The following LARS2 variants were observed in gnomAD, a reference collection of about 807,000 sequenced individuals.
LARS2 encodes the protein leucine--tRNA ligase, mitochondrial.
Under a neutral mutation model 116.6 loss-of-function variants are expected in LARS2, and 81 were observed. The ratio of observed to expected loss-of-function variants is 0.69; its 90% CI spans 0.58 to 0.84. The LOEUF (loss-of-function observed/expected upper bound fraction) is 0.84, where lower values mean the gene tolerates loss of function less well. LARS2 is among the 40% of genes least tolerant of loss of function. The pLI is 0.00. For missense variants in LARS2, 968 were observed against 1,114.5 expected, an observed-to-expected ratio of 0.87 and a Z score of 1.87; for synonymous variants, 396 against 407.2, an observed-to-expected ratio of 0.97 and a Z score of 0.33.
At chr3:45,440,387 A>G (rs1698884579) in intron 6 of LARS2, among the ~76,000 whole-genome samples, 1 of 152,184 alleles carries the variant, frequency 6.6e-6, no homozygotes, top group Non-Finnish European at 1.5e-5. Flanking sequence ...CAAAAGATCA[A>G]AAAGCATGTG....
chr3:45,491,536 A>G lies in LARS2; in HGVS notation c.1259A>G (p.Gln420Arg). The G allele has an allele frequency of 6.2e-7, 1 of 1,614,170 alleles. No individual in the cohort carries two copies. The highest frequency in any genetic ancestry group is 8.5e-7 in the Non-Finnish European group (1 of 1,180,020). The change falls in exon 13 of 22, where the codon CAG becomes CGG. Residue 420 changes from glutamine to arginine, a missense_variant. Physicochemically the swap from Gln to Arg is conservative, Grantham distance 43 (BLOSUM62 1). Coordinates refer to ENST00000645846, the MANE Select transcript of LARS2 (RefSeq NM_015340.4). ...SSAEFTGMTR[Q>R]DAFLALTQKA... ...TGTCAGTTCACAGGTATGACCCGGCAGGATGCTTTTCTAGCCCTGACTCAG... is the reference window on the plus strand; with the variant it reads ...TGTCAGTTCACAGGTATGACCCGGCGGGATGCTTTTCTAGCCCTGACTCAG...
chr3:45,527,667 A>C (rs1274615548), intron 20 of LARS2, among the ~76,000 whole-genome samples: 1 of 152,056 alleles, frequency 6.6e-6, no homozygotes, highest in Non-Finnish European at 1.5e-5. Context: ...GATACACCTG[A>C]GCAAGGATAA....
At chr3:45,400,821 C>CT (rs1261028234) in intron 4 of LARS2, among the ~76,000 whole-genome samples, 284 of 149,276 alleles carry the variant, frequency 1.9e-3, no homozygotes, top group Admixed American at 0.017. Context: ...TATTTCTTTT[C>CT]TTTTTTTTTT....
intron 7 of LARS2, among the ~76,000 whole-genome samples, chr3:45,452,307 G>A (rs1330101864): frequency 6.6e-6 from 1 of 151,836 alleles, no homozygotes; most frequent in Admixed American, 6.6e-5. Context: ...CATTCAGTGT[G>A]GTATTAGCTA....
At chr3:45,511,601 G>A (rs928328327) in intron 15 of LARS2, among the ~76,000 whole-genome samples, 2 of 151,698 alleles carry the variant, frequency 1.3e-5, no homozygotes, top group African/African-American at 2.4e-5. Context: ...TATAAAAGAC[G>A]AGGCAAAAGT....
At chr3:45,432,618 T>G (rs1698737895) in intron 6 of LARS2, among the ~76,000 whole-genome samples, 1 of 152,016 alleles carries the variant, frequency 6.6e-6, no homozygotes, top group Non-Finnish European at 1.5e-5. Flanking sequence ...CATACAGTCT[T>G]ATGGAATATA....
chr3:45,424,816 T>C (rs1209494248), intron 6 of LARS2, among the ~76,000 whole-genome samples: 1 of 152,212 alleles, frequency 6.6e-6, no homozygotes, highest in Admixed American at 6.5e-5. Flanking sequence ...GACAGTTTCA[T>C]AGGAGCCCTT....
intron 16 of LARS2, among the ~76,000 whole-genome samples, chr3:45,514,206 A>G (rs1700336576): frequency 6.8e-6 from 1 of 146,932 alleles, no homozygotes; most frequent in Admixed American, 6.8e-5. Flanking sequence ...ACTCTGTCTC[A>G]AAAAAAAAAA....
In LARS2 at chr3:45,547,450, AG is replaced by A; in HGVS notation, c.2634del (p.Arg878SerfsTer66). 6.2e-7 allele frequency: 1 copy of A among 1,613,948 alleles called. No homozygotes were observed. Among genetic ancestry groups the A allele is most frequent in the South Asian group, 1.1e-5 (1 of 91,020 alleles). ...TGTTCTTCAAAGCGAGCTGGGTGTC[AG>A]GCTTTTGCAAGGACGAAGCATCAAG... ...EFVLQSELGV[R>X]LLQGRSIKKS... On this transcript the variant is annotated frameshift_variant, in exon 22 of 22. Transcript: ENST00000645846. LOFTEE classifies it high-confidence loss of function.
intron 3 of LARS2, among the ~76,000 whole-genome samples, chr3:45,396,698 A>G (rs1430988060): frequency 1.3e-5 from 2 of 152,212 alleles, no homozygotes; most frequent in Non-Finnish European, 2.9e-5. Context: ...TCAATTGATT[A>G]TCTCATTTAA....
At chr3:45,418,719 C>A (rs1698470516) in intron 5 of LARS2, among the ~76,000 whole-genome samples, 1 of 152,240 alleles carries the variant, frequency 6.6e-6, no homozygotes, top group South Asian at 2.1e-4. Flanking sequence ...AAGCATTCAT[C>A]ATCTGGCCCT....
rs202009605 is a variant in LARS2 at position 45,496,381 on chromosome 3, G to A, written c.1622+8G>A. On this transcript the variant is annotated splice_region_variant and intron_variant, in intron 14 of 21. Coordinates refer to ENST00000645846, the MANE Select transcript of LARS2 (RefSeq NM_015340.4). ...CCCTCATAATCCACACAGGTAAAAC[G>A]TCCCTGCTGATGTCTTTGAGCATTT... 602 of 1,599,054 alleles carry A rather than the reference G, an allele frequency of 3.8e-4. 3 individuals are homozygous for A. The Middle Eastern group carries it at 8.6e-3, about 23-fold the overall frequency.
At chr3:45,497,292 C>G (rs1700029254) in intron 14 of LARS2, among the ~76,000 whole-genome samples, 2 of 150,698 alleles carry the variant, frequency 1.3e-5, no homozygotes. Context: ...TTATTTGAAC[C>G]CCGCCCCCCC....
At chr3:45,543,424 A>C (rs1034913637) in intron 21 of LARS2, among the ~76,000 whole-genome samples, 2 of 149,362 alleles carry the variant, frequency 1.3e-5, no homozygotes, top group African/African-American at 2.5e-5. Flanking sequence ...GGGATTACAG[A>C]CATGAGCCAC....
At chr3:45,486,977 T>G (rs1034209394) in intron 11 of LARS2, among the ~76,000 whole-genome samples, 5 of 152,180 alleles carry the variant, frequency 3.3e-5, no homozygotes, top group African/African-American at 1.2e-4. Context: ...AGTTTCTTAA[T>G]TAACTTTTTC....
At chr3:45,534,339 G>C (rs186932301) in intron 20 of LARS2, among the ~76,000 whole-genome samples, 1 of 152,266 alleles carries the variant, frequency 6.6e-6, no homozygotes, top group African/African-American at 2.4e-5. Context: ...CATCTGAGGA[G>C]GGTTAATGTA....
At chr3:45,416,980 A>G (rs1366297945) in intron 4 of LARS2, among the ~76,000 whole-genome samples, 1 of 151,644 alleles carries the variant, frequency 6.6e-6, no homozygotes, top group Non-Finnish European at 1.5e-5. Flanking sequence ...AGGCTGATGC[A>G]GGAGAATCGC....
At chr3:45,527,886 C>T (rs1700554151) in intron 20 of LARS2, among the ~76,000 whole-genome samples, 1 of 152,164 alleles carries the variant, frequency 6.6e-6, no homozygotes, top group South Asian at 2.1e-4. Context: ...AATAATATGG[C>T]CTAGCTATGC....
In LARS2 at chr3:45,513,239, A is replaced by G; in HGVS notation, c.1861+4A>G. 1 of 1,576,338 alleles carries G rather than the reference A, an allele frequency of 6.3e-7. No individual in the cohort carries two copies. The highest frequency in any genetic ancestry group is 8.7e-7 in the Non-Finnish European group (1 of 1,145,568). On this transcript the variant is annotated splice_donor_region_variant and intron_variant, in intron 16 of 21. Transcript: ENST00000645846. ...AGAGAGGAAGTGGATCTCACAGGTA[A>G]GAATGGCCCATCTGGTCCCATCCAG...
Sources: allele counts gnomAD v4.1 joint callset (sites outside exome capture counted in the v4.1 genomes callset), GRCh38; gene constraint gnomAD v4.1.1; transcripts MANE v1.5; gene names NCBI Gene and HGNC (gene_info 2026-07-23, HGNC 2026-07-21).